The following DRD2 variants were observed in gnomAD, a reference collection of about 807,000 sequenced individuals.
DRD2 encodes the protein dopamine receptor D2, also known as D(2) dopamine receptor.
DRD2 carries 8 observed loss-of-function variants against 38.0 expected under a neutral mutation model. The observed-to-expected ratio is 0.21, with a 90% CI of 0.12 to 0.38. The LOEUF is 0.38. Among genes scored for constraint, DRD2 ranks in the 10% least tolerant of loss-of-function variants. The pLI is 1.00. For missense variants in DRD2, 403 were observed against 607.7 expected, an observed-to-expected ratio of 0.66 and a Z score of 3.54; for synonymous variants, 230 against 238.6, an observed-to-expected ratio of 0.96 and a Z score of 0.33.
intron 1 of DRD2, chr11:113,425,120 A>G: frequency 4.9e-6 from 1 of 202,504 alleles, no homozygotes; most frequent in Non-Finnish European, 1.0e-5. Context: ...CAGGAACAAA[A>G]TATACATGGT....
intron 6 of DRD2, chr11:113,413,399 C>G (rs1450692638): frequency 1.9e-6 from 1 of 518,090 alleles, no homozygotes; most frequent in East Asian, 5.4e-5. Flanking sequence ...TGCCAAAAGG[C>G]TGACCCCTGG....
intron 1 of DRD2, among the ~76,000 whole-genome samples, chr11:113,431,495 A>G (rs1950987567): frequency 6.6e-6 from 1 of 152,170 alleles, no homozygotes; most frequent in South Asian, 2.1e-4. Flanking sequence ...AGAGCCAAAG[A>G]TCTCCTCATC....
At chr11:113,456,284 G>A (rs1591299457) in intron 1 of DRD2, among the ~76,000 whole-genome samples, 1 of 152,168 alleles carries the variant, frequency 6.6e-6, no homozygotes, top group East Asian at 1.9e-4. Flanking sequence ...AGAGCCTATT[G>A]GCAGAATGAG....
chr11:113,430,413 A>T (rs566000135), intron 1 of DRD2, among the ~76,000 whole-genome samples: 1 of 152,352 alleles, frequency 6.6e-6, no homozygotes, highest in South Asian at 2.1e-4. Context: ...GTAGAGCTCC[A>T]AGATGTCATC....
chr11:113,461,988 C>T (rs1951324471), intron 1 of DRD2, among the ~76,000 whole-genome samples: 1 of 152,162 alleles, frequency 6.6e-6, no homozygotes, highest in Non-Finnish European at 1.5e-5. Context: ...CCCCTTCCTT[C>T]CCCTCTCTTC....
At chr11:113,466,570 T>C (rs1192963186) in intron 1 of DRD2, among the ~76,000 whole-genome samples, 1 of 152,184 alleles carries the variant, frequency 6.6e-6, no homozygotes, top group African/African-American at 2.4e-5. Context: ...GGCCAGATAG[T>C]GCAGGTTAGG....
intron 1 of DRD2, among the ~76,000 whole-genome samples, chr11:113,448,032 A>G (rs1449430161): frequency 2.0e-5 from 3 of 152,102 alleles, no homozygotes. Flanking sequence ...AGATCCCACA[A>G]AGGGATACTG....
chr11:113,428,211 C>T (rs540237401), intron 1 of DRD2, among the ~76,000 whole-genome samples: 9 of 152,262 alleles, frequency 5.9e-5, no homozygotes, highest in Admixed American at 3.9e-4. Context: ...AGGAAATGTA[C>T]AGGGGAATGC....
chr11:113,452,467 TGTGC>T (rs770015946), intron 1 of DRD2, among the ~76,000 whole-genome samples: 3,185 of 90,898 alleles, frequency 0.035, 45 homozygotes, highest in East Asian at 0.07. Context: ...TGTGTGTGTG[TGTGC>T]GCGCGCGCGC....
intron 1 of DRD2, among the ~76,000 whole-genome samples, chr11:113,435,472 C>T (rs766881727): frequency 6.6e-6 from 1 of 151,944 alleles, no homozygotes; most frequent in African/African-American, 2.4e-5. Flanking sequence ...GGGCAGCTCA[C>T]GTGCACTGCA....
chr11:113,415,135 C>T (rs759360457), intron 5 of DRD2, among the ~76,000 whole-genome samples: 8 of 152,098 alleles, frequency 5.3e-5, no homozygotes, highest in South Asian at 2.1e-4. Context: ...GAGGAGCCCA[C>T]GGGGGTACCA....
chr11:113,466,147 C>T (rs889968064), intron 1 of DRD2, among the ~76,000 whole-genome samples: 1 of 152,200 alleles, frequency 6.6e-6, no homozygotes, highest in Non-Finnish European at 1.5e-5. Flanking sequence ...GTGCTCTGAA[C>T]CACTTTGTTT....
At chr11:113,468,411 C>T (rs1189541845) in intron 1 of DRD2, among the ~76,000 whole-genome samples, 2 of 152,190 alleles carry the variant, frequency 1.3e-5, no homozygotes, top group Non-Finnish European at 2.9e-5. Flanking sequence ...ATGAGGTGAA[C>T]ACGATTATTA....
At position 113,446,168 on chromosome 11, in the gene DRD2, C is replaced by T. The variant is rs566773719; in HGVS notation, c.-31-21486G>A. Among the ~76,000 whole-genome samples the T allele has an allele frequency of 2.0e-5, 3 of 152,284 alleles. No homozygotes were observed. The East Asian group carries it at 5.8e-4, about 29-fold the overall frequency. ...ATGGAGGGTCTTCAGCTCCCCCTTC[C>T]CACTCGCCCCTTTCCAGAAGCCCTG... On this transcript the variant is annotated intron_variant, in intron 1 of 7. Coordinates refer to ENST00000362072, the MANE Select transcript of DRD2 (RefSeq NM_000795.4).
chr11:113,417,876 G>A, intron 3 of DRD2, 151 bp downstream of exon 3: 1 of 706,058 alleles, frequency 1.4e-6, no homozygotes, highest in South Asian at 1.5e-5. Context: ...ATACACACAT[G>A]CACACCCATA....
At chr11:113,461,535 G>A (rs1006018604) in intron 1 of DRD2, among the ~76,000 whole-genome samples, 1 of 152,186 alleles carries the variant, frequency 6.6e-6, no homozygotes, top group African/African-American at 2.4e-5. Flanking sequence ...TGGTGGAGAT[G>A]AGGGATCCCC....
chr11:113,469,816 G>A (rs1951405370), intron 1 of DRD2, among the ~76,000 whole-genome samples: 1 of 151,790 alleles, frequency 6.6e-6, no homozygotes, highest in African/African-American at 2.4e-5. Context: ...CTCCAGCCTG[G>A]GTGACAGAGC....
At chr11:113,423,327 G>A (rs1352474037) in intron 2 of DRD2, among the ~76,000 whole-genome samples, 1 of 151,988 alleles carries the variant, frequency 6.6e-6, no homozygotes, top group Non-Finnish European at 1.5e-5. Flanking sequence ...CCAGGCTGGA[G>A]TGCAATGGTA....
chr11:113,432,793 G>A (rs1041206949), intron 1 of DRD2, among the ~76,000 whole-genome samples: 1 of 152,210 alleles, frequency 6.6e-6, no homozygotes, highest in Admixed American at 6.5e-5. Flanking sequence ...CTTGGGGTTG[G>A]ACCTTCTTTT....
Sources: gnomAD v4.1 joint callset for allele counts (sites outside exome capture counted in the v4.1 genomes callset) on GRCh38, gnomAD v4.1.1 for gene constraint, MANE v1.5 for transcripts, NCBI Gene and HGNC (gene_info 2026-07-23, HGNC 2026-07-21) for gene names.